Variants in RARB observed in about 807,000 individuals in gnomAD.
The protein encoded by RARB is retinoic acid receptor beta, also known as HBV-activated protein.
Under a neutral mutation model 51.9 loss-of-function variants are expected in RARB, and 17 were observed. The ratio of observed to expected loss-of-function variants is 0.33; its 90% CI spans 0.22 to 0.49. The LOEUF is 0.49. RARB is among the 20% of genes least tolerant of loss of function. The probability of loss-of-function intolerance (pLI) is 0.99; values close to 1 mark genes in which losing one functional copy is unlikely to be tolerated. For synonymous variants in RARB, 215 were observed against 195.4 expected, an observed-to-expected ratio of 1.10 and a Z score of -0.84; for missense variants, 369 against 550.8, an observed-to-expected ratio of 0.67 and a Z score of 3.30.
intron 5 of RARB, among the ~76,000 whole-genome samples, chr3:25,584,771 C>T (rs1279755290): frequency 1.3e-5 from 2 of 152,146 alleles, no homozygotes; most frequent in East Asian, 3.9e-4. Flanking sequence ...TCTGTCTTGT[C>T]ATGTAGCACT....
chr3:24,900,286 TA>T (rs5847325), intron 2 of RARB, among the ~76,000 whole-genome samples: 1 of 151,604 alleles, frequency 6.6e-6, no homozygotes, highest in Non-Finnish European at 1.5e-5. Flanking sequence ...TTTTCCTTTG[TA>T]AAAAAAAATT....
chr3:25,347,937 T>A (rs561476398), intron 5 of RARB, among the ~76,000 whole-genome samples: 1 of 152,326 alleles, frequency 6.6e-6, no homozygotes, highest in African/African-American at 2.4e-5. Flanking sequence ...GTTTATCTGA[T>A]CTGTCCTTAC....
At chr3:24,853,681 TTAA>T (rs1702593499) in intron 1 of RARB, among the ~76,000 whole-genome samples, 1 of 152,254 alleles carries the variant, frequency 6.6e-6, no homozygotes, top group African/African-American at 2.4e-5. Flanking sequence ...ACTTTAGCCA[TTAA>T]ACTTCTCATT....
At chr3:25,059,379 C>T (rs1458393218) in intron 2 of RARB, among the ~76,000 whole-genome samples, 1 of 151,588 alleles carries the variant, frequency 6.6e-6, no homozygotes, top group African/African-American at 2.4e-5. Flanking sequence ...AAAATATCCC[C>T]CAGAAAAAAA....
At chr3:25,343,390 G>A (rs61241444) in intron 5 of RARB, among the ~76,000 whole-genome samples, 1 of 150,934 alleles carries the variant, frequency 6.6e-6, no homozygotes, top group Non-Finnish European at 1.5e-5. Flanking sequence ...ATGCATAGTT[G>A]TAAAAAAGAA....
chr3:25,520,840 A>C (rs920719546), intron 3 of RARB, among the ~76,000 whole-genome samples: 2 of 152,178 alleles, frequency 1.3e-5, no homozygotes, highest in Admixed American at 1.3e-4. Flanking sequence ...TAAACTACCA[A>C]AAAGGTATGT....
intron 2 of RARB, among the ~76,000 whole-genome samples, chr3:24,970,901 GATGCTT>G (rs1302483473): frequency 1.3e-5 from 2 of 151,902 alleles, no homozygotes; most frequent in African/African-American, 4.8e-5. Context: ...CTTTCTACTT[GATGCTT>G]ATACTATTTT....
intron 5 of RARB, among the ~76,000 whole-genome samples, chr3:25,204,342 G>A (rs1559504243): frequency 6.6e-6 from 1 of 152,194 alleles, no homozygotes; most frequent in South Asian, 2.1e-4. Flanking sequence ...TTTTTTCAAG[G>A]TTTTTAACTT....
intron 2 of RARB, among the ~76,000 whole-genome samples, chr3:24,983,780 T>C (rs1292335839): frequency 1.3e-5 from 2 of 151,936 alleles, no homozygotes; most frequent in African/African-American, 2.4e-5. Context: ...TAAATCATAA[T>C]ATGTGGAAGG....
chr3:25,297,269 C>A (rs978975011), intron 5 of RARB, among the ~76,000 whole-genome samples: 1 of 152,112 alleles, frequency 6.6e-6, no homozygotes, highest in Non-Finnish European at 1.5e-5. Context: ...ATTTTACCAG[C>A]AGAATAATTA....
chr3:25,210,888 A>T (rs1183417627), intron 5 of RARB, among the ~76,000 whole-genome samples: 1 of 151,806 alleles, frequency 6.6e-6, no homozygotes. Context: ...TAGACCTACC[A>T]CATAAAAGTC....
At chr3:25,083,615 T>C (rs1699051986) in intron 3 of RARB, among the ~76,000 whole-genome samples, 1 of 152,192 alleles carries the variant, frequency 6.6e-6, no homozygotes, top group Non-Finnish European at 1.5e-5. Context: ...AATTCTAACG[T>C]TTCTGTCATG....
chr3:25,012,921 C>G (rs918211749), intron 2 of RARB, among the ~76,000 whole-genome samples: 11 of 152,024 alleles, frequency 7.2e-5, no homozygotes, highest in African/African-American at 2.7e-4. Flanking sequence ...TTTCTGACAC[C>G]AAACTTAAGA....
chr3:25,463,018 T>G (rs1695257044), intron 2 of RARB, among the ~76,000 whole-genome samples: 1 of 152,144 alleles, frequency 6.6e-6, no homozygotes, highest in African/African-American at 2.4e-5. Context: ...TTAAATAAAA[T>G]AAAACGAATC....
chr3:24,863,578 C>T (rs1016867357), intron 2 of RARB, among the ~76,000 whole-genome samples: 1 of 152,012 alleles, frequency 6.6e-6, no homozygotes, highest in African/African-American at 2.4e-5. Context: ...GAAGTGAATG[C>T]CAAAATAGAA....
intron 1 of RARB, among the ~76,000 whole-genome samples, chr3:24,849,073 C>T (rs1391363198): frequency 6.6e-6 from 1 of 152,026 alleles, no homozygotes; most frequent in Non-Finnish European, 1.5e-5. Context: ...CAGTGGATGC[C>T]TGAAATGGAG....
intron 2 of RARB, among the ~76,000 whole-genome samples, chr3:24,884,854 C>T (rs1703238888): frequency 6.6e-6 from 1 of 151,946 alleles, no homozygotes; most frequent in African/African-American, 2.4e-5. Context: ...AAAATATAAC[C>T]TGAATACAAG....
At chr3:24,858,741 T>A (rs1449595330) in exon 2 of RARB, 1 of 152,132 alleles carries the variant, frequency 6.6e-6, no homozygotes, top group African/African-American at 2.4e-5. Context: ...TCTCACAATC[T>A]TCAGCAAGGA....
At chr3:25,044,461 C>T (rs1447543542) in intron 2 of RARB, among the ~76,000 whole-genome samples, 4 of 152,076 alleles carry the variant, frequency 2.6e-5, no homozygotes, top group African/African-American at 9.7e-5. Flanking sequence ...AGAAGGAAGT[C>T]TATTTTTATA....
Sources: allele counts gnomAD v4.1 joint callset (sites outside exome capture counted in the v4.1 genomes callset), GRCh38; gene constraint gnomAD v4.1.1; transcripts MANE v1.5; gene names NCBI Gene and HGNC (gene_info 2026-07-23, HGNC 2026-07-21).